PCDHA5: variants seen among roughly 807,000 people sequenced by gnomAD.
PCDHA5 encodes the protein protocadherin alpha 5.
In PCDHA5, 43 loss-of-function variants were observed where a neutral mutation model predicts 61.6. That is an observed-to-expected ratio of 0.70 (90% CI 0.55 to 0.90). The LOEUF (loss-of-function observed/expected upper bound fraction) is 0.90. Among genes scored for constraint, PCDHA5 ranks in the 40% least tolerant of loss-of-function variants. The pLI is 0.00. For missense variants in PCDHA5, 1,298 were observed against 1,222.7 expected, an observed-to-expected ratio of 1.06 and a Z score of -0.92; for synonymous variants, 627 against 543.9, an observed-to-expected ratio of 1.15 and a Z score of -2.13.
chr5:140,858,391 T>C lies in PCDHA5; in HGVS notation c.2352+34264T>C, dbSNP rs1214576702. On this transcript the variant is annotated intron_variant, in intron 1 of 3. Transcript: ENST00000529859. ...GCCTTCCACCATGCCCAATGGTAGA[T>C]GTGGACGGGGAAGATCAGTCTATTG... is the stretch of plus-strand genomic sequence containing the variant. 12 of 1,577,710 alleles carry C rather than the reference T, an allele frequency of 7.6e-6. 1 individual carries two copies. Among genetic ancestry groups the C allele is most frequent in the African/African-American group, 1.4e-5 (1 of 74,060 alleles).
Position 140,847,480 on chromosome 5 carries a change from A to T in PCDHA5, c.2352+23353A>T, listed in dbSNP as rs956174108. Reference sequence around the variant, plus strand: ...ATTAATCGACTTGGACGTTGGAATAAGATAGTAAAACTCACAACAAAACTT... The same window carrying T: ...ATTAATCGACTTGGACGTTGGAATATGATAGTAAAACTCACAACAAAACTT... On this transcript the variant is annotated intron_variant, in intron 1 of 3. Transcript: ENST00000529859. 2 of 149,954 alleles carry T rather than the reference A, an allele frequency of 1.3e-5. 1 individual carries two copies. The highest frequency in any genetic ancestry group is 3.0e-5 in the Non-Finnish European group (2 of 67,004). The allele number at this position is 149,954 out of a possible 1,614,324, so 9.3% of individuals were successfully genotyped here.
intron 1 of PCDHA5, chr5:140,830,682 T>C: frequency 3.0e-6 from 1 of 332,166 alleles, no homozygotes; most frequent in Non-Finnish European, 5.1e-6. Flanking sequence ...GAAATCACTG[T>C]CCACAATCTG....
chr5:140,967,472 G>A, intron 1 of PCDHA5: 1 of 1,613,430 alleles, frequency 6.2e-7, no homozygotes, highest in Non-Finnish European at 8.5e-7. Flanking sequence ...GGGCATCCCA[G>A]CCCGCTCGGG....
chr5:140,857,681 G>A (rs2044790199), intron 1 of PCDHA5: 5 of 1,596,954 alleles, frequency 3.1e-6, no homozygotes, highest in East Asian at 4.5e-5. Context: ...GCCGCCTCTG[G>A]GCAGCAACTT....
At chr5:140,895,267 T>G (rs2064938299) in intron 1 of PCDHA5, among the ~76,000 whole-genome samples, 1 of 152,162 alleles carries the variant, frequency 6.6e-6, no homozygotes. Flanking sequence ...TTTTTCTTAC[T>G]CAGGGATAAT....
intron 1 of PCDHA5, chr5:140,857,563 C>A (rs782037850): frequency 1.3e-6 from 2 of 1,596,904 alleles, no homozygotes; most frequent in Non-Finnish European, 8.6e-7. Flanking sequence ...CGCTGTCGAG[C>A]TACGTGTCGG....
intron 1 of PCDHA5, chr5:140,862,831 G>C (rs782083560): frequency 1.0e-5 from 6 of 572,658 alleles, no homozygotes; most frequent in African/African-American, 7.9e-5. Flanking sequence ...AGCGCGCGAC[G>C]CGGGCATGCC....
rs2150162331 is a variant in PCDHA5, at chr5:140,829,080, T to C, written c.2352+4953T>C. ...GCCACGGACAAAGGCCATCCTCCCA[T>C]GGCGGGTCATTGCACCGTTTTAGTG... On this transcript the variant is annotated intron_variant, in intron 1 of 3. Coordinates refer to ENST00000529859, the MANE Select transcript of PCDHA5 (RefSeq NM_018908.3). 15 of 1,611,842 alleles carry C rather than the reference T, an allele frequency of 9.3e-6. No homozygotes were observed. In the African/African-American group the frequency reaches 2.0e-4, roughly 22 times the overall value.
chr5:140,884,468 C>G, intron 1 of PCDHA5: 4 of 1,613,762 alleles, frequency 2.5e-6, no homozygotes, highest in Non-Finnish European at 3.4e-6. Context: ...CGCGTGCGCG[C>G]CGGGCAAGCC....
chr5:140,928,251 C>T (rs267600404), intron 1 of PCDHA5: 5 of 1,614,204 alleles, frequency 3.1e-6, no homozygotes, highest in Non-Finnish European at 3.4e-6. Flanking sequence ...AGGAACTTTT[C>T]GTTGCTGAAA....
intron 1 of PCDHA5, among the ~76,000 whole-genome samples, chr5:140,924,615 C>G (rs142536325): frequency 6.6e-6 from 1 of 152,150 alleles, no homozygotes; most frequent in African/African-American, 2.4e-5. Flanking sequence ...ATGCCAGGTG[C>G]GGTGGCATGG....
At chr5:140,871,654 A>G in intron 1 of PCDHA5, 3 of 1,238,202 alleles carry the variant, frequency 2.4e-6, no homozygotes, top group East Asian at 2.6e-5. Context: ...CAAATGATAC[A>G]CATCTTCAGT....
rs2150156019 is a variant in PCDHA5 at position 140,828,493 on chromosome 5, G to A, written c.2352+4366G>A. 45 of 1,614,112 alleles carry A rather than the reference G, an allele frequency of 2.8e-5. No individual in the cohort carries two copies. In the Middle Eastern group the frequency reaches 8.2e-4, roughly 29 times the overall value. ...TTAACGACAACCCGCCCTTGTTCCC[G>A]GTAGAGGAACAAAGAGTGCTGATTT... On this transcript the variant is annotated intron_variant, in intron 1 of 3. Transcript: ENST00000529859.
intron 1 of PCDHA5, among the ~76,000 whole-genome samples, chr5:140,906,736 AT>A (rs1330405649): frequency 6.6e-6 from 1 of 152,132 alleles, no homozygotes; most frequent in Non-Finnish European, 1.5e-5. Flanking sequence ...GTAGTTTCCC[AT>A]TGACACAGGG....
In PCDHA5 at chr5:140,855,883, A is replaced by G. The variant is rs2043659343; in HGVS notation, c.2352+31756A>G. 3.2e-6 allele frequency: 3 copies of G among 946,140 alleles called. 1 individual carries two copies. Among genetic ancestry groups the G allele is most frequent in the African/African-American group, 3.3e-5 (2 of 60,716 alleles). 58.6% of individuals were successfully genotyped at this position (946,140 alleles called of 1,614,324 possible). On this transcript the variant is annotated intron_variant, in intron 1 of 3. Coordinates refer to ENST00000529859, the MANE Select transcript of PCDHA5 (RefSeq NM_018908.3). The stretch of plus-strand genomic sequence containing the variant: ...GCTGTCGTCCACAAAATAGCTTTTT[A>G]GAACAAAGGCATCAGCCAGTTTCTC...
At chr5:140,967,944 A>T in intron 1 of PCDHA5, 1 of 1,614,088 alleles carries the variant, frequency 6.2e-7, no homozygotes, top group Non-Finnish European at 8.5e-7. Flanking sequence ...AATGACCAAG[A>T]CTCAGGCCCC....
intron 1 of PCDHA5, among the ~76,000 whole-genome samples, chr5:140,888,287 C>G (rs1371852276): frequency 6.6e-6 from 1 of 152,072 alleles, no homozygotes; most frequent in African/African-American, 2.4e-5. Flanking sequence ...CCCCTCTACC[C>G]CCTACCCAGG....
At chr5:140,878,225 A>G (rs1554170330) in intron 1 of PCDHA5, 1 of 156,262 alleles carries the variant, frequency 6.4e-6, no homozygotes, top group Non-Finnish European at 1.4e-5. Context: ...CCTAGATCCC[A>G]TTAATGGATT....
chr5:140,851,986 C>T, intron 1 of PCDHA5: 1 of 976,230 alleles, frequency 1.0e-6, no homozygotes, highest in Non-Finnish European at 1.2e-6. Context: ...TTAGTGCAAG[C>T]TATTTGTTTG....
Sources: allele counts gnomAD v4.1 joint callset (sites outside exome capture counted in the v4.1 genomes callset), GRCh38; gene constraint gnomAD v4.1.1; transcripts MANE v1.5; gene names NCBI Gene and HGNC (gene_info 2026-07-23, HGNC 2026-07-21).